PRKCA: variants seen among roughly 807,000 people sequenced by gnomAD.
PRKCA encodes protein kinase C alpha type.
A neutral mutation model predicts 87.0 loss-of-function variants in PRKCA; 27 were observed. That is an observed-to-expected ratio of 0.31 (90% CI 0.23 to 0.43). The LOEUF is 0.43. PRKCA is among the 20% of genes least tolerant of loss of function. The pLI, the probability that PRKCA is intolerant of heterozygous loss-of-function variation, is 1.00. For missense variants in PRKCA, 518 were observed against 852.3 expected (o/e 0.61, Z 4.88); for synonymous variants, 329 against 311.1 (o/e 1.06, Z -0.61).
Position 66,751,077 on chromosome 17 carries a change from G to A in PRKCA, c.1524+8317G>A, listed in dbSNP as rs1238071217. Reference sequence around the variant, plus strand: ...TAATTAGCCCTTTATTTAGGGATTTGCTTAAATCCTGTAAAAGTGGGTCAG... The same window carrying A: ...TAATTAGCCCTTTATTTAGGGATTTACTTAAATCCTGTAAAAGTGGGTCAG... On this transcript the variant is annotated intron_variant, in intron 13 of 16. Transcript: ENST00000413366. 2.0e-5 allele frequency among the ~76,000 whole-genome samples: 3 copies of A among 152,186 alleles called. No individual in the cohort carries two copies. The East Asian group carries it at 5.8e-4, about 29-fold the overall frequency.
chr17:66,678,230 A>G (rs1972389289), intron 5 of PRKCA, among the ~76,000 whole-genome samples: 1 of 152,214 alleles, frequency 6.6e-6, no homozygotes, highest in African/African-American at 2.4e-5. Context: ...CATGCCTGCC[A>G]CCACTGGAAG....
intron 2 of PRKCA, among the ~76,000 whole-genome samples, chr17:66,458,346 T>C (rs372048284): frequency 6.6e-6 from 1 of 152,262 alleles, no homozygotes; most frequent in Admixed American, 6.5e-5. Context: ...AGTCTACAGC[T>C]TCCTGGAACA....
intron 13 of PRKCA, among the ~76,000 whole-genome samples, chr17:66,761,796 T>A (rs1321944938): frequency 6.6e-6 from 1 of 152,144 alleles, no homozygotes; most frequent in Admixed American, 6.6e-5. Context: ...CCATGTGACA[T>A]AGTAAGATCC....
chr17:66,384,364 C>G (rs1909931846), intron 2 of PRKCA, among the ~76,000 whole-genome samples: 5 of 152,122 alleles, frequency 3.3e-5, no homozygotes, highest in Admixed American at 1.3e-4. Context: ...ATTTGTCTTG[C>G]AACAGGGCTT....
chr17:66,342,073 C>T (rs577073323), intron 2 of PRKCA, among the ~76,000 whole-genome samples: 1 of 152,304 alleles, frequency 6.6e-6, no homozygotes, highest in African/African-American at 2.4e-5. Context: ...GACACACCAG[C>T]GACTAAGTCA....
chr17:66,739,809 C>T (rs954761710), intron 11 of PRKCA, among the ~76,000 whole-genome samples: 9 of 151,912 alleles, frequency 5.9e-5, no homozygotes, highest in Non-Finnish European at 1.2e-4. Flanking sequence ...GGTGAAGAGC[C>T]TGGTAAGGAG....
At chr17:66,392,329 A>C (rs1410767818) in intron 2 of PRKCA, among the ~76,000 whole-genome samples, 2 of 152,170 alleles carry the variant, frequency 1.3e-5, no homozygotes, top group Non-Finnish European at 2.9e-5. Context: ...ACAATTAGAA[A>C]TGGTTTCTTT....
intron 2 of PRKCA, among the ~76,000 whole-genome samples, chr17:66,494,954 G>C (rs1916405182): frequency 1.3e-5 from 2 of 151,812 alleles, no homozygotes; most frequent in Non-Finnish European, 2.9e-5. Flanking sequence ...ATGTAAAAAT[G>C]AGCAGGGTGT....
chr17:66,445,695 G>T (rs1913999480), intron 2 of PRKCA, among the ~76,000 whole-genome samples: 1 of 152,200 alleles, frequency 6.6e-6, no homozygotes, highest in African/African-American at 2.4e-5. Context: ...GTCCCTGTCT[G>T]TTCCCGTGAT....
chr17:66,669,947 C>G (rs1207824958), intron 5 of PRKCA, among the ~76,000 whole-genome samples: 1 of 152,166 alleles, frequency 6.6e-6, no homozygotes, highest in Non-Finnish European at 1.5e-5. Context: ...AGAAAGAAAA[C>G]AAATGTCTTT....
chr17:66,365,564 G>A (rs1389797952), intron 2 of PRKCA, among the ~76,000 whole-genome samples: 2 of 152,108 alleles, frequency 1.3e-5, no homozygotes, highest in Non-Finnish European at 2.9e-5. Context: ...TTACTTATAG[G>A]CAGCTATATT....
intron 3 of PRKCA, among the ~76,000 whole-genome samples, chr17:66,521,616 T>C (rs541155040): frequency 6.6e-6 from 1 of 152,336 alleles, no homozygotes; most frequent in East Asian, 1.9e-4. Context: ...AATTATGCAG[T>C]GATGAATCAA....
chr17:66,766,618 G>C (rs1055123433), intron 13 of PRKCA, among the ~76,000 whole-genome samples: 36 of 151,990 alleles, frequency 2.4e-4, no homozygotes, highest in African/African-American at 8.0e-4. Flanking sequence ...GACCAGTCTG[G>C]GCAACATGGC....
At position 66,808,608 on chromosome 17, in the gene PRKCA, A is replaced by G. The variant is rs1459285531; in HGVS notation, c.*4571A>G. Reference sequence around the variant, plus strand: ...CCCAAAGGGTGTGATCATGAGAGTTACCGGGACAGCAGTAGGCATGACAGT... The same window carrying G: ...CCCAAAGGGTGTGATCATGAGAGTTGCCGGGACAGCAGTAGGCATGACAGT... On this transcript the variant is annotated 3_prime_UTR_variant, in exon 17 of 17. Coordinates refer to ENST00000413366, the MANE Select transcript of PRKCA (RefSeq NM_002737.3). 2 of 152,252 alleles carry G rather than the reference A, an allele frequency of 1.3e-5. No individual in the cohort carries two copies. The highest frequency in any genetic ancestry group is 4.8e-5 in the African/African-American group (2 of 41,406). 9.4% of individuals were successfully genotyped at this position (152,252 alleles called of 1,614,324 possible).
chr17:66,379,833 T>G (rs1005133504), intron 2 of PRKCA, among the ~76,000 whole-genome samples: 4 of 152,194 alleles, frequency 2.6e-5, no homozygotes, highest in Admixed American at 2.6e-4. Flanking sequence ...TCCAAGAATT[T>G]TAAAGTGTTA....
intron 3 of PRKCA, among the ~76,000 whole-genome samples, chr17:66,603,498 G>A (rs761478657): frequency 1.3e-5 from 2 of 152,148 alleles, no homozygotes; most frequent in Non-Finnish European, 2.9e-5. Flanking sequence ...GAACAGCAAA[G>A]CGAGCACTCG....
chr17:66,785,630 C>A (rs1975364985), intron 14 of PRKCA, among the ~76,000 whole-genome samples: 1 of 152,216 alleles, frequency 6.6e-6, no homozygotes, highest in South Asian at 2.1e-4. Flanking sequence ...GGACTACAGA[C>A]ATGCTGGAGG....
intron 2 of PRKCA, among the ~76,000 whole-genome samples, chr17:66,403,352 G>A (rs2143698057): frequency 6.6e-6 from 1 of 152,232 alleles, no homozygotes; most frequent in Admixed American, 6.5e-5. Context: ...CCTATATATT[G>A]GATGATGTAT....
chr17:66,626,987 A>G (rs1253695352), intron 3 of PRKCA, among the ~76,000 whole-genome samples: 1 of 152,168 alleles, frequency 6.6e-6, no homozygotes, highest in Non-Finnish European at 1.5e-5. Context: ...TCCAGCCACC[A>G]TGTCATAACC....
Sources: gnomAD v4.1 joint callset for allele counts (sites outside exome capture counted in the v4.1 genomes callset) on GRCh38, gnomAD v4.1.1 for gene constraint, MANE v1.5 for transcripts, NCBI Gene and HGNC (gene_info 2026-07-23, HGNC 2026-07-21) for gene names.